PHC1: variants seen among roughly 807,000 people sequenced by gnomAD.
The protein encoded by PHC1 is polyhomeotic homolog 1.
In PHC1, 12 loss-of-function variants were observed where a neutral mutation model predicts 104.3. The observed-to-expected ratio is 0.12, with a 90% CI of 0.07 to 0.19. The LOEUF is 0.19. Ranked by LOEUF, PHC1 falls within the 10% of genes least tolerant of loss-of-function variation. The pLI is 1.00. For missense variants in PHC1, 671 were observed against 1,200.0 expected, an observed-to-expected ratio of 0.56 and a Z score of 6.51; for synonymous variants, 302 against 455.8, an observed-to-expected ratio of 0.66 and a Z score of 4.30.
At chr12:8,930,997 G>T (rs1484000349) in intron 7 of PHC1, 70 bp downstream of exon 7, 11 of 1,502,426 alleles carry the variant, frequency 7.3e-6, no homozygotes, top group Non-Finnish European at 9.8e-6. Context: ...TTCTTTTTTT[G>T]CCTTTTTTTC....
At chr12:8,939,125 C>T (rs1206903184) in intron 14 of PHC1, among the ~76,000 whole-genome samples, 180 bp from the exon 15 acceptor site, 1 of 152,246 alleles carries the variant, frequency 6.6e-6, no homozygotes, top group Non-Finnish European at 1.5e-5. Flanking sequence ...TGCACCTGGC[C>T]ATTTTTTAAA....
intron 1 of PHC1, among the ~76,000 whole-genome samples, chr12:8,916,485 G>A (rs908784651): frequency 6.6e-6 from 1 of 151,998 alleles, no homozygotes; most frequent in Non-Finnish European, 1.5e-5. Context: ...AGAAAATAGT[G>A]TGTAGCTTAA....
At chr12:8,924,006 C>G (rs1434325812) in intron 6 of PHC1, among the ~76,000 whole-genome samples, 1 of 152,046 alleles carries the variant, frequency 6.6e-6, no homozygotes, top group Non-Finnish European at 1.5e-5. Flanking sequence ...GTGCTATGTG[C>G]ACAGATGATG....
At chr12:8,935,915 C>G (rs1327000574) in intron 11 of PHC1, among the ~76,000 whole-genome samples, 1 of 152,026 alleles carries the variant, frequency 6.6e-6, no homozygotes, top group Non-Finnish European at 1.5e-5. Context: ...CATGCGCCAC[C>G]ACGCCTGGCT....
At chr12:8,934,225 T>C in intron 9 of PHC1, 42 bp from the exon 10 acceptor site, 5 of 1,482,598 alleles carry the variant, frequency 3.4e-6, no homozygotes, top group Non-Finnish European at 4.7e-6. Context: ...TGGATCAATA[T>C]GTCATCTCAT....
At chr12:8,934,057 A>G in intron 9 of PHC1, 45 bp downstream of exon 9, 1 of 1,596,314 alleles carries the variant, frequency 6.3e-7, no homozygotes, top group South Asian at 1.1e-5. Context: ...CACAGAGTAG[A>G]GGAATGTTCT....
rs778741078 is a variant in PHC1 at position 8,915,492 on chromosome 12, T to C, written c.-49+665T>C. On this transcript the variant is annotated intron_variant, in intron 1 of 14. Coordinates refer to ENST00000544916, the MANE Select transcript of PHC1 (RefSeq NM_004426.3). The stretch of plus-strand genomic sequence containing the variant: ...CTTTCTCCAACTCTCGGCCCAATGC[T>C]AAGTCCACCTCAATGTCCCATTCTA... 3.5e-4 allele frequency among the ~76,000 whole-genome samples: 53 copies of C among 152,220 alleles called. No homozygotes were observed. In the South Asian group the frequency reaches 6.0e-3, roughly 17 times the overall value.
upstream of PHC1, among the ~76,000 whole-genome samples, chr12:8,914,319 A>C (rs745765269): frequency 6.6e-5 from 10 of 151,952 alleles, no homozygotes; most frequent in Non-Finnish European, 1.3e-4. Flanking sequence ...GGAGAAAGAG[A>C]GCAAGAGAGG....
chr12:8,935,215 T>G lies in PHC1; in HGVS notation c.2345T>G (p.Leu782Trp). 1 of 1,581,462 alleles carries G rather than the reference T, an allele frequency of 6.3e-7. No homozygotes were observed. Among genetic ancestry groups the G allele is most frequent in the Non-Finnish European group, 8.6e-7 (1 of 1,158,202 alleles). Residue 782 changes from leucine to tryptophan, a missense_variant, in exon 11 of 15, where the codon TTG becomes TGG. Leu to Trp is a moderately conservative substitution (Grantham distance 61, BLOSUM62 -2). This residue lies in a region of PHC1 where 192 missense variants were observed against 280.5 expected (regional missense o/e 0.68). Coordinates refer to ENST00000544916, the MANE Select transcript of PHC1 (RefSeq NM_004426.3). ...GLTENQSGGP[L>W]GVDSPSAELD... ...ACTGAGAATCAGTCAGGTGGCCCTT[T>G]GGGAGTGGACAGCCCATCTGCTGGT...
rs779106583 is a variant in PHC1, at chr12:8,937,329, G to A, written c.2628+3G>A. ...AGATTCAGGGCAAGTGCCACCGGGT[G>A]AGCTGCTTGTTGTAGAGCCAGATGC... On this transcript the variant is annotated splice_donor_region_variant and intron_variant, in intron 13 of 14. Coordinates refer to ENST00000544916, the MANE Select transcript of PHC1 (RefSeq NM_004426.3). 1.2e-6 allele frequency: 2 copies of A among 1,602,096 alleles called. No individual in the cohort carries two copies. Among genetic ancestry groups the A allele is most frequent in the South Asian group, 1.1e-5 (1 of 89,324 alleles).
intron 6 of PHC1, among the ~76,000 whole-genome samples, chr12:8,927,748 G>A (rs1448141862): frequency 6.6e-6 from 1 of 152,272 alleles, no homozygotes; most frequent in Admixed American, 6.5e-5. Flanking sequence ...ATGTGCTCTA[G>A]CACCCAATCC....
chr12:8,933,866 G>T lies in PHC1; in HGVS notation c.1895G>T (p.Gly632Val). Residue 632 changes from glycine (G) to valine (V), a missense_variant and splice_region_variant, in exon 9 of 15, where the codon GGT becomes GTT. Physicochemically the swap from Gly to Val is moderately radical, Grantham distance 109. Coordinates refer to ENST00000544916, the MANE Select transcript of PHC1 (RefSeq NM_004426.3). ...AFYMQSVHLPGKPQTLAVKRK... is the reference protein window; with the variant it reads ...AFYMQSVHLPVKPQTLAVKRK... ...TCTTTCCTATTCTTTACGGTATAGG[G>T]TAAACCCCAGACATTGGCTGTCAAA... The T allele has an allele frequency of 6.2e-7, 1 of 1,612,700 alleles. No homozygotes were observed. Among genetic ancestry groups the T allele is most frequent in the Non-Finnish European group, 8.5e-7 (1 of 1,178,694 alleles).
intron 8 of PHC1, 70 bp downstream of exon 8, chr12:8,933,420 A>G: frequency 1.4e-6 from 2 of 1,445,312 alleles, no homozygotes; most frequent in Non-Finnish European, 1.8e-6. Flanking sequence ...GTGGAAATAG[A>G]GCTTAATTGA....
Position 8,930,665 on chromosome 12 carries a change from A to G in PHC1, c.843A>G (p.Pro281=), listed in dbSNP as rs889795285. The G allele has an allele frequency of 1.1e-5, 16 of 1,391,932 alleles. No homozygotes were observed. The highest frequency in any genetic ancestry group is 1.5e-5 in the Non-Finnish European group (15 of 1,017,838). 86.2% of individuals were successfully genotyped at this position (1,391,932 alleles called of 1,614,324 possible). Reference sequence around the variant, plus strand: ...ATAGCATCCCAGGGTCCATGGGTCCAGGTGGAGGTGGGCAGGCACATGGTG... The same window carrying G: ...ATAGCATCCCAGGGTCCATGGGTCCGGGTGGAGGTGGGCAGGCACATGGTG... ...SGNSIPGSMG[P]GGGGQAHGGL... is the part of the protein sequence containing the mutation. Residue 281 remains proline, a synonymous_variant, in exon 7 of 15, where the codon CCA becomes CCG. Transcript: ENST00000544916.
chr12:8,917,969 A>G (rs1592185824), intron 2 of PHC1, among the ~76,000 whole-genome samples, 178 bp downstream of exon 2: 1 of 152,218 alleles, frequency 6.6e-6, no homozygotes, highest in East Asian at 1.9e-4. Context: ...TTAGGCAAGC[A>G]AACAGTGAAA....
At chr12:8,928,169 A>G (rs1244787424) in intron 6 of PHC1, among the ~76,000 whole-genome samples, 1 of 151,910 alleles carries the variant, frequency 6.6e-6, no homozygotes, top group East Asian at 1.9e-4. Context: ...TGGTCTCCCA[A>G]AGTGCTAGGA....
chr12:8,936,469 T>C (rs1415004052), intron 11 of PHC1, among the ~76,000 whole-genome samples: 5 of 152,228 alleles, frequency 3.3e-5, no homozygotes, highest in African/African-American at 1.2e-4. Flanking sequence ...TTATAATCTA[T>C]CTTAAGGACT....
At chr12:8,915,134 C>T (rs774760620) in intron 1 of PHC1, 1 of 153,014 alleles carries the variant, frequency 6.5e-6, no homozygotes, top group African/African-American at 2.4e-5. Context: ...CTAGTTATCT[C>T]CCTGCTTTCG....
chr12:8,917,828 C>G (rs1945244873), intron 2 of PHC1, 37 bp downstream of exon 2: 1 of 1,123,270 alleles, frequency 8.9e-7, no homozygotes, highest in South Asian at 1.5e-5. Flanking sequence ...GTCTGTGAGT[C>G]TTGGCTTGTG....
Sources: allele counts gnomAD v4.1 joint callset (sites outside exome capture counted in the v4.1 genomes callset), GRCh38; gene constraint gnomAD v4.1.1; regional missense constraint gnomAD v4.1.1; transcripts MANE v1.5; gene names NCBI Gene and HGNC (gene_info 2026-07-23, HGNC 2026-07-21).